Variants in RNF213 observed in about 807,000 individuals in gnomAD.
RNF213 encodes ring finger protein 213.
In RNF213, 341 loss-of-function variants were observed where a neutral mutation model predicts 514.4. That is an observed-to-expected ratio of 0.66 (90% confidence interval 0.61 to 0.73). The LOEUF is 0.73. RNF213 is among the 30% of genes least tolerant of loss of function. RNF213 has a pLI of 0.00. For synonymous variants in RNF213, 2,655 were observed against 2,658.2 expected, an observed-to-expected ratio of 1.00 and a Z score of 0.04; for missense variants, 5,767 against 6,615.6, an observed-to-expected ratio of 0.87 and a Z score of 4.45.
chr17:80,312,681 G>A (rs375796011), intron 14 of RNF213, among the ~76,000 whole-genome samples: 67 of 152,338 alleles, frequency 4.4e-4, no homozygotes, highest in African/African-American at 1.5e-3. Flanking sequence ...TCTCTGGGGC[G>A]TGCTTTTCCC....
chr17:80,376,520 G>T lies in RNF213; in HGVS notation c.13405G>T (p.Ala4469Ser), dbSNP rs1394230137. 3.1e-6 allele frequency: 5 copies of T among 1,613,900 alleles called. No individual in the cohort carries two copies. The South Asian group carries it at 5.5e-5, about 18-fold the overall frequency. Reference sequence around the variant, plus strand: ...ACTCTTGGAGCCCCTAAAGAATCTGGCCTTCTCCCCAGCCACCATGGCGGT... The same window carrying T: ...ACTCTTGGAGCCCCTAAAGAATCTGTCCTTCTCCCCAGCCACCATGGCGGT... ...NELLEPLKNL[A>S]FSPATMAHAF... is the part of the protein sequence containing the mutation. Residue 4469 changes from alanine to serine, a missense_variant, in exon 52 of 68, where the codon GCC becomes TCC. Physicochemically the swap from Ala to Ser is moderately conservative, Grantham distance 99. Transcript: ENST00000582970.
rs951558125 is a variant in RNF213 at position 80,364,501 on chromosome 17, G to C, written c.11819G>C (p.Arg3940Pro). The C allele has an allele frequency of 7.4e-6, 12 of 1,613,998 alleles. No individual in the cohort carries two copies. In the African/African-American group the frequency reaches 1.5e-4, roughly 20 times the overall value. Residue 3940 changes from arginine (R) to proline (P), a missense_variant, in exon 42 of 68, where the codon CGC (arginine) becomes CCC (proline). Coordinates refer to ENST00000582970, the MANE Select transcript of RNF213 (RefSeq NM_001256071.3). ...VEHVLLGTESRVPELQGLVTE... is the reference protein window; with the variant it reads ...VEHVLLGTESPVPELQGLVTE... ...CACGTGCTCCTAGGAACCGAGAGCCGCGTCCCCGAGTTACAGGGGCTGGTG... is the reference window on the plus strand; with the variant it reads ...CACGTGCTCCTAGGAACCGAGAGCCCCGTCCCCGAGTTACAGGGGCTGGTG...
Position 80,369,883 on chromosome 17 carries a change from A to T in RNF213, c.12425+16A>T. The stretch of plus-strand genomic sequence containing the variant: ...TGAAGTACAGGTAAGAACAACATGG[A>T]GACTTGCTTCTGGAAAGCCCTGGCT... On this transcript the variant is annotated intron_variant, in intron 46 of 67. Coordinates refer to ENST00000582970, the MANE Select transcript of RNF213 (RefSeq NM_001256071.3). 1 of 1,547,168 alleles carries T rather than the reference A, an allele frequency of 6.5e-7. No individual in the cohort carries two copies. The highest frequency in any genetic ancestry group is 8.9e-7 in the Non-Finnish European group (1 of 1,119,542).
chr17:80,287,908 C>T lies in RNF213; in HGVS notation c.355C>T (p.His119Tyr), dbSNP rs775609914. ...SLPLSPASPC[H>Y]LTLLSNPWPQ... ...GCCCCTTTCTCCTGCCAGCCCCTGT[C>T]ACCTGACTTTGCTTTCAAACCCGTG... Residue 119 changes from histidine to tyrosine, a missense_variant, in exon 4 of 68, where the codon CAC (histidine) becomes TAC (tyrosine). By Grantham distance (83) the His-to-Tyr change is moderately conservative. Transcript: ENST00000582970. The T allele has an allele frequency of 2.5e-5, 39 of 1,576,414 alleles. No homozygotes were observed. The East Asian group carries it at 3.8e-4, about 15-fold the overall frequency.
chr17:80,380,018 A>G (rs757011918), intron 55 of RNF213, among the ~76,000 whole-genome samples: 2 of 152,218 alleles, frequency 1.3e-5, no homozygotes. Flanking sequence ...CATGACATAA[A>G]CAGATGATCT....
At chr17:80,309,617 A>G (rs578002904) in intron 14 of RNF213, among the ~76,000 whole-genome samples, 2 of 152,324 alleles carry the variant, frequency 1.3e-5, no homozygotes, top group African/African-American at 4.8e-5. Flanking sequence ...GCTTGAATAC[A>G]GTAACAAAGG....
chr17:80,382,101 G>A (rs1049951603), intron 57 of RNF213: 16 of 301,616 alleles, frequency 5.3e-5, no homozygotes, highest in Middle Eastern at 1.1e-3. Context: ...AGCACGTGTC[G>A]TCCACACAGA....
At chr17:80,370,277 C>G (rs2079464272) in intron 46 of RNF213, among the ~76,000 whole-genome samples, 2 of 152,184 alleles carry the variant, frequency 1.3e-5, no homozygotes, top group Non-Finnish European at 2.9e-5. Flanking sequence ...TGAACATGGG[C>G]TCTATTTCCT....
At position 80,351,574 on chromosome 17, in the gene RNF213, C is replaced by G. The variant is rs2078516510; in HGVS notation, c.10185-111C>G. 6 of 675,750 alleles carry G rather than the reference C, an allele frequency of 8.9e-6. No homozygotes were observed. The South Asian group carries it at 1.0e-4, about 11-fold the overall frequency. 41.9% of individuals were successfully genotyped at this position (675,750 alleles called of 1,614,324 possible). On this transcript the variant is annotated intron_variant, in intron 31 of 67. Coordinates refer to ENST00000582970, the MANE Select transcript of RNF213 (RefSeq NM_001256071.3). ...ACGGGTGGCCGTGAGACCGAACCAA[C>G]AGCTCGGAGAACACCCTTCTGCAGC... is the stretch of plus-strand genomic sequence containing the variant.
chr17:80,369,620 C>T lies in RNF213; in HGVS notation c.12274C>T (p.Leu4092=), dbSNP rs1345263941. 1.2e-6 allele frequency: 2 copies of T among 1,614,138 alleles called. No homozygotes were observed. Among genetic ancestry groups the T allele is most frequent in the East Asian group, 2.2e-5 (1 of 44,902 alleles). ...GCCTGAGAAGGAAGTGATTGAGAGC[C>T]TGCTCTCTCTCCTCTTCGTCCAAAA... is the stretch of plus-strand genomic sequence containing the variant. ...APPEKEVIES[L]LSLLFVQKGR... is the part of the protein sequence containing the mutation. The change falls in exon 45 of 68, where the codon CTG becomes TTG. Residue 4092 remains leucine, a synonymous_variant. Coordinates refer to ENST00000582970, the MANE Select transcript of RNF213 (RefSeq NM_001256071.3).
intron 64 of RNF213, 103 bp downstream of exon 64, chr17:80,388,792 G>A: frequency 2.2e-6 from 2 of 927,668 alleles, no homozygotes; most frequent in South Asian, 1.3e-5. Context: ...TGTTTGCTGT[G>A]AGCCCACAGT....
chr17:80,307,993 CG>C (rs2045432204), intron 13 of RNF213, among the ~76,000 whole-genome samples: 1 of 151,728 alleles, frequency 6.6e-6, no homozygotes, highest in Non-Finnish European at 1.5e-5. Context: ...GCCTGGTGGG[CG>C]TTCTGCATTT....
At position 80,334,345 on chromosome 17, in the gene RNF213, C is replaced by T. The variant is rs1301331449; in HGVS notation, c.4309+75C>T. On this transcript the variant is annotated intron_variant, in intron 22 of 67. Transcript: ENST00000582970. ...TGGCGCACTGTGTGGCGTTCCTAAACTCTTTGGCAATACCTCCCCTTGGCC... is the reference window on the plus strand; with the variant it reads ...TGGCGCACTGTGTGGCGTTCCTAAATTCTTTGGCAATACCTCCCCTTGGCC... 9 of 1,443,352 alleles carry T rather than the reference C, an allele frequency of 6.2e-6. No individual in the cohort carries two copies. The Admixed American group carries it at 2.0e-4, about 32-fold the overall frequency. 89.4% of individuals were successfully genotyped at this position (1,443,352 alleles called of 1,614,324 possible).
At position 80,353,059 on chromosome 17, in the gene RNF213, C is replaced by A; in HGVS notation, c.10423C>A (p.Leu3475Met). 6.2e-6 allele frequency: 10 copies of A among 1,611,898 alleles called. No individual in the cohort carries two copies. The highest frequency in any genetic ancestry group is 7.6e-6 in the Non-Finnish European group (9 of 1,180,030). ...GTTCGCGCCCGGAGACTTGCCTGAG[C>A]GTGAGTCACGAGGCGGAGCCCCTGG... ...QLFAPGDLPE[L>M]GLEHRAEDGH... Residue 3475 changes from leucine (L) to methionine (M), a missense_variant and splice_region_variant, in exon 33 of 68, where the codon CTG (leucine) becomes ATG (methionine). This residue lies in a region of RNF213 where 919 missense variants were observed against 1,121.0 expected (regional missense o/e 0.82). Coordinates refer to ENST00000582970, the MANE Select transcript of RNF213 (RefSeq NM_001256071.3). The surrounding 1 kb of genome is among the most constrained non-coding windows in gnomAD (Gnocchi z 5.0).
At position 80,367,765 on chromosome 17, in the gene RNF213, T is replaced by TGACGTGAA; in HGVS notation, c.11894_11901dup (p.His3968Ter). On this transcript the variant is annotated frameshift_variant, in exon 43 of 68. Transcript: ENST00000582970. LOFTEE classifies it high-confidence loss of function. ...TTCTTCAGTGTCTTCGAGAGAACTC[T>TGACGTGAA]GACGTGAAGACGCACGGGCCTTTTG... 6.2e-7 allele frequency: 1 copy of TGACGTGAA among 1,614,198 alleles called. No homozygotes were observed. Among genetic ancestry groups the TGACGTGAA allele is most frequent in the Non-Finnish European group, 8.5e-7 (1 of 1,180,014 alleles).
At chr17:80,389,525 G>A (rs781444683) in intron 65 of RNF213, among the ~76,000 whole-genome samples, 158 bp downstream of exon 65, 5 of 152,164 alleles carry the variant, frequency 3.3e-5, no homozygotes, top group Non-Finnish European at 7.4e-5. Flanking sequence ...AGCATAAACA[G>A]GACACACCAG....
At chr17:80,340,421 C>T (rs2078119076) in intron 26 of RNF213, 65 bp downstream of exon 26, 1 of 1,459,030 alleles carries the variant, frequency 6.9e-7, no homozygotes, top group African/African-American at 1.4e-5. Flanking sequence ...CTTCCCCCCT[C>T]CAGCAGATGA....
Position 80,332,170 on chromosome 17 carries a change from A to T in RNF213, c.3682A>T (p.Arg1228Ter). 6.5e-7 allele frequency: 1 copy of T among 1,537,202 alleles called. No individual in the cohort carries two copies. The highest frequency in any genetic ancestry group is 8.7e-7 in the Non-Finnish European group (1 of 1,146,922). ...AATGGCTGGGAAGATAGACTTGCTC[A>T]GAGACAGCCACATCTTCCAGCTCTT... is the stretch of plus-strand genomic sequence containing the variant. Reference protein sequence around the residue: ...QEMAGKIDLLRDSHIFQLFWR... With the variant: ...QEMAGKIDLL Residue 1228 changes from arginine to a stop codon, truncating the protein, a stop_gained, in exon 21 of 68, where the codon AGA becomes TGA. Coordinates refer to ENST00000582970, the MANE Select transcript of RNF213 (RefSeq NM_001256071.3). LOFTEE classifies it high-confidence loss of function.
rs1046724916 is a variant in RNF213 at position 80,340,215 on chromosome 17, G to A, written c.5848G>A (p.Val1950Ile). The A allele has an allele frequency of 6.8e-6, 11 of 1,613,950 alleles. No homozygotes were observed. Among genetic ancestry groups the A allele is most frequent in the South Asian group, 3.3e-5 (3 of 91,084 alleles). Reference sequence around the variant, plus strand: ...TGCCTTCAGCCAGCACAAGGTCTTCGTCACCCCCCAGGCACCCCTCGAGGC... The same window carrying A: ...TGCCTTCAGCCAGCACAAGGTCTTCATCACCCCCCAGGCACCCCTCGAGGC... ...PSAFSQHKVF[V>I]TPQAPLEAIQ... Residue 1950 changes from valine (V) to isoleucine (I), a missense_variant, in exon 26 of 68, where the codon GTC (valine) becomes ATC (isoleucine). By Grantham distance (29) the Val-to-Ile change is conservative (BLOSUM62 3). This residue lies in a region of RNF213 where 1,377 missense variants were observed against 1,635.2 expected (regional missense o/e 0.84). Coordinates refer to ENST00000582970, the MANE Select transcript of RNF213 (RefSeq NM_001256071.3).
Sources: gnomAD v4.1 joint callset for allele counts (sites outside exome capture counted in the v4.1 genomes callset) on GRCh38, gnomAD v4.1.1 for gene constraint, gnomAD v4.1.1 regional missense constraint, Gnocchi (gnomAD v3.1) non-coding constraint, MANE v1.5 for transcripts, NCBI Gene and HGNC (gene_info 2026-07-23, HGNC 2026-07-21) for gene names.